The following ATG4C variants were observed in gnomAD, a reference collection of about 807,000 sequenced individuals.
The protein encoded by ATG4C is cysteine protease ATG4C.
In ATG4C, 56 loss-of-function variants were observed where a neutral mutation model predicts 57.6. The observed-to-expected ratio is 0.97, with a 90% confidence interval of 0.78 to 1.21. The LOEUF is 1.21. ATG4C is among the 50% of genes most tolerant of loss of function. The pLI is 0.00. For synonymous variants in ATG4C, 157 were observed against 174.1 expected, an observed-to-expected ratio of 0.90 and a Z score of 0.78; for missense variants, 595 against 529.8, an observed-to-expected ratio of 1.12 and a Z score of -1.21.
chr1:62,811,007 T>C (rs1364998940), intron 3 of ATG4C, among the ~76,000 whole-genome samples: 2 of 152,184 alleles, frequency 1.3e-5, no homozygotes, highest in Non-Finnish European at 2.9e-5. Flanking sequence ...TTACTTTAGC[T>C]GGAGTCACTC....
intron 3 of ATG4C, among the ~76,000 whole-genome samples, chr1:62,807,787 TGA>T (rs1664929751): frequency 6.6e-6 from 1 of 152,028 alleles, no homozygotes; most frequent in Non-Finnish European, 1.5e-5. Flanking sequence ...TTGAGTTCTG[TGA>T]GTCATCACAG....
intron 10 of ATG4C, among the ~76,000 whole-genome samples, chr1:62,853,939 T>C (rs1211336297): frequency 6.6e-6 from 1 of 152,136 alleles, no homozygotes; most frequent in Non-Finnish European, 1.5e-5. Context: ...AATTGCTCCC[T>C]AGTTTTTCTC....
chr1:62,839,697 G>A (rs529349952), intron 9 of ATG4C, among the ~76,000 whole-genome samples: 5 of 152,102 alleles, frequency 3.3e-5, no homozygotes, highest in Non-Finnish European at 7.4e-5. Flanking sequence ...TAATGTAACA[G>A]GTAGATCAAT....
At chr1:62,809,517 A>G (rs1046998633) in intron 3 of ATG4C, among the ~76,000 whole-genome samples, 3 of 147,034 alleles carry the variant, frequency 2.0e-5, no homozygotes, top group African/African-American at 7.4e-5. Flanking sequence ...TACAATTATA[A>G]TTATATAATT....
intron 10 of ATG4C, among the ~76,000 whole-genome samples, chr1:62,852,094 G>A (rs963890809): frequency 1.3e-5 from 2 of 151,996 alleles, no homozygotes; most frequent in African/African-American, 2.4e-5. Flanking sequence ...TCATTCATTC[G>A]TTCATTCTCC....
Position 62,819,229 on chromosome 1 carries a change from TCC to T in ATG4C, c.623_624del (p.Pro208LeufsTer38). Reference protein sequence around the residue: ...HRKIISWFGDSPLALFGLHQL... With the variant: ...HRKIISWFGDXPLALFGLHQL... ...GAAAATCATCTCTTGGTTTGGTGAT[TCC>T]CCCTTGGCTCTTTTTGGCTTACATC... On this transcript the variant is annotated frameshift_variant, in exon 5 of 11. Coordinates refer to ENST00000317868, the MANE Select transcript of ATG4C (RefSeq NM_032852.4). LOFTEE classifies it high-confidence loss of function. The T allele has an allele frequency of 6.2e-7, 1 of 1,613,588 alleles. No homozygotes were observed. The highest frequency in any genetic ancestry group is 8.5e-7 in the Non-Finnish European group (1 of 1,179,704).
chr1:62,813,371 T>C (rs1236083835), intron 3 of ATG4C, among the ~76,000 whole-genome samples: 2 of 152,170 alleles, frequency 1.3e-5, no homozygotes, highest in African/African-American at 4.8e-5. Context: ...ATTTAATAAA[T>C]GGTGCTGGGA....
At position 62,850,883 on chromosome 1, in the gene ATG4C, TATATATATATATATATATAC is replaced by T. The variant is rs1444440551; in HGVS notation, c.1209+9340_1209+9359del. Among the ~76,000 whole-genome samples, 2 of 78,432 alleles carry T rather than the reference TATATATATATATATATATAC, an allele frequency of 2.5e-5. 1 individual carries two copies. Among genetic ancestry groups the T allele is most frequent in the African/African-American group, 1.1e-4 (2 of 18,080 alleles). 51.5% of individuals were successfully genotyped at this position (78,432 alleles called of 152,430 possible). On this transcript the variant is annotated intron_variant, in intron 10 of 10. Transcript: ENST00000317868. ...ATATATATATATATATATATATATATATATATATATATATATATACATACACATACACACACATTCTGTTT... is the reference window on the plus strand; with the variant it reads ...ATATATATATATATATATATATATATATACACATACACACACATTCTGTTT...
chr1:62,803,852 C>G lies in ATG4C; in HGVS notation c.66C>G (p.Asn22Lys). The G allele has an allele frequency of 6.3e-7, 1 of 1,580,560 alleles. No homozygotes were observed. The highest frequency in any genetic ancestry group is 8.7e-7 in the Non-Finnish European group (1 of 1,155,182). Residue 22 changes from asparagine (N) to lysine (K), a missense_variant, in exon 2 of 11, where the codon AAC (asparagine) becomes AAG (lysine). Physicochemically the swap from Asn to Lys is moderately conservative, Grantham distance 94 (BLOSUM62 0). Transcript: ENST00000317868. Reference sequence around the variant, plus strand: ...CCAAATTTATATCTGCTTGGAACAACATGAAATATAGTAAGTATCATGTTT... The same window carrying G: ...CCAAATTTATATCTGCTTGGAACAAGATGAAATATAGTAAGTATCATGTTT... ...LKTKFISAWN[N>K]MKYSWVLKTK... is the part of the protein sequence containing the mutation.
chr1:62,829,051 G>A lies in ATG4C; in HGVS notation c.808G>A (p.Asp270Asn), dbSNP rs1258075619. 6.2e-7 allele frequency: 1 copy of A among 1,608,918 alleles called. No individual in the cohort carries two copies. The highest frequency in any genetic ancestry group is 2.2e-5 in the East Asian group (1 of 44,712). Residue 270 changes from aspartate (D) to asparagine (N), a missense_variant, in exon 7 of 11, where the codon GAT (aspartate) becomes AAT (asparagine). Transcript: ENST00000317868. ...TATGTTTTTCTCAGTTTACAATTCTGATGTAATTGATAAACAGAGTGCTTC... is the reference window on the plus strand; with the variant it reads ...TATGTTTTTCTCAGTTTACAATTCTAATGTAATTGATAAACAGAGTGCTTC... Reference protein sequence around the residue: ...VAQDCTVYNSDVIDKQSASMT... With the variant: ...VAQDCTVYNSNVIDKQSASMT...
At chr1:62,863,095 T>C (rs1557999647) in intron 10 of ATG4C, among the ~76,000 whole-genome samples, 4 of 152,042 alleles carry the variant, frequency 2.6e-5, no homozygotes, top group Non-Finnish European at 5.9e-5. Flanking sequence ...AAGTTTTGAA[T>C]AGAACTTGTT....
chr1:62,856,674 T>G lies in ATG4C; in HGVS notation c.1210-7318T>G, dbSNP rs535717254. ...TGATCCTTACATTATACTAGACAAA[T>G]GTATAGGACTTTGGAGAAGGGAATA... On this transcript the variant is annotated intron_variant, in intron 10 of 10. Transcript: ENST00000317868. 2.0e-5 allele frequency among the ~76,000 whole-genome samples: 3 copies of G among 152,282 alleles called. No individual in the cohort carries two copies. In the East Asian group the frequency reaches 5.8e-4, roughly 29 times the overall value.
chr1:62,850,860 A>ATGTGTG (rs1333605849), intron 10 of ATG4C, among the ~76,000 whole-genome samples: 1 of 50,690 alleles, frequency 2.0e-5, no homozygotes, highest in African/African-American at 1.1e-4. Flanking sequence ...GTATGTATAT[A>ATGTGTG]TATATATATA....
chr1:62,803,992 A>G (rs1664770380), intron 2 of ATG4C, 130 bp downstream of exon 2: 5 of 551,738 alleles, frequency 9.1e-6, no homozygotes, highest in African/African-American at 4.0e-5. Context: ...AAATATTTCT[A>G]TAAGGAATGT....
intron 3 of ATG4C, among the ~76,000 whole-genome samples, chr1:62,816,175 A>T (rs904702722): frequency 1.3e-5 from 2 of 151,692 alleles, no homozygotes; most frequent in Non-Finnish European, 2.9e-5. Flanking sequence ...TGAGTTAATG[A>T]TTTTTTTTCT....
Position 62,821,210 on chromosome 1 carries a change from G to A in ATG4C, c.796+1G>A. On this transcript the variant is annotated splice_donor_variant, in intron 6 of 10. Transcript: ENST00000317868. LOFTEE classifies it high-confidence loss of function. Reference sequence around the variant, plus strand: ...ATTTATGTTGCACAAGATTGTACAGGTAAGGAATGTATATAATTCTAATCT... The same window carrying A: ...ATTTATGTTGCACAAGATTGTACAGATAAGGAATGTATATAATTCTAATCT... 1 of 1,566,472 alleles carries A rather than the reference G, an allele frequency of 6.4e-7. No individual in the cohort carries two copies. Among genetic ancestry groups the A allele is most frequent in the Non-Finnish European group, 8.7e-7 (1 of 1,155,840 alleles).
At chr1:62,855,696 A>G (rs1165646755) in intron 10 of ATG4C, among the ~76,000 whole-genome samples, 1 of 152,166 alleles carries the variant, frequency 6.6e-6, no homozygotes, top group African/African-American at 2.4e-5. Context: ...AACCAACCAA[A>G]CCTTCTGAGA....
chr1:62,862,387 G>T (rs970584779), intron 10 of ATG4C, among the ~76,000 whole-genome samples: 2 of 152,012 alleles, frequency 1.3e-5, no homozygotes, highest in Admixed American at 1.3e-4. Flanking sequence ...CTGCTGTGTT[G>T]ATCTGAAAAT....
At chr1:62,803,060 C>T (rs1313716200) in intron 1 of ATG4C, among the ~76,000 whole-genome samples, 3 of 152,136 alleles carry the variant, frequency 2.0e-5, no homozygotes, top group African/African-American at 7.2e-5. Context: ...TTATATCACA[C>T]ATCTCAATTT....
Sources: gnomAD v4.1 joint callset for allele counts (sites outside exome capture counted in the v4.1 genomes callset) on GRCh38, gnomAD v4.1.1 for gene constraint, MANE v1.5 for transcripts, NCBI Gene and HGNC (gene_info 2026-07-23, HGNC 2026-07-21) for gene names.